The following NRXN3 variants were observed in gnomAD, a reference collection of about 807,000 sequenced individuals.
NRXN3 encodes neurexin 3.
A neutral mutation model predicts 137.6 loss-of-function variants in NRXN3; 32 were observed. That is an observed-to-expected ratio of 0.23 (90% confidence interval 0.18 to 0.31). NRXN3 has a LOEUF of 0.31. NRXN3 is among the 10% of genes least tolerant of loss of function. NRXN3 has a pLI of 1.00. For missense variants in NRXN3, 1,574 were observed against 2,062.5 expected (o/e 0.76, Z 4.59); for synonymous variants, 798 against 784.5 (o/e 1.02, Z -0.29).
At chr14:79,651,069 CT>C (rs1191988432) in intron 16 of NRXN3, among the ~76,000 whole-genome samples, 3 of 152,164 alleles carry the variant, frequency 2.0e-5, no homozygotes, top group Non-Finnish European at 4.4e-5. Context: ...GTTCAATTAA[CT>C]GGTAATAGGA....
At chr14:78,450,772 A>G (rs1338370156) in intron 4 of NRXN3, among the ~76,000 whole-genome samples, 1 of 152,158 alleles carries the variant, frequency 6.6e-6, no homozygotes, top group Non-Finnish European at 1.5e-5. Flanking sequence ...GATTTTCTCC[A>G]AAATGATCTA....
In NRXN3 at chr14:78,666,745, T is replaced by C. The variant is rs1428349184; in HGVS notation, c.1221+15419T>C. On this transcript the variant is annotated intron_variant, in intron 6 of 20. Coordinates refer to ENST00000335750, the MANE Select transcript of NRXN3 (RefSeq NM_001330195.2). ...TAGTACTTCGCCTATCATGGTGTCA[T>C]GATGAGTCTTTCCACCTCTGTTCTC... Among the ~76,000 whole-genome samples, 4 of 152,202 alleles carry C rather than the reference T, an allele frequency of 2.6e-5. 1 individual carries two copies. The highest frequency in any genetic ancestry group is 9.6e-5 in the African/African-American group (4 of 41,454).
chr14:78,229,924 A>G (rs545075661), intron 1 of NRXN3, among the ~76,000 whole-genome samples: 45 of 152,298 alleles, frequency 3.0e-4, no homozygotes, highest in Admixed American at 5.2e-4. Flanking sequence ...AGATGGGCTC[A>G]CTGGGTCACT....
intron 4 of NRXN3, among the ~76,000 whole-genome samples, chr14:78,305,838 G>A (rs886756093): frequency 6.6e-6 from 1 of 151,958 alleles, no homozygotes; most frequent in African/African-American, 2.4e-5. Context: ...ATATAAAATC[G>A]CTTTGTTTTT....
chr14:79,574,532 T>C, intron 16 of NRXN3, among the ~76,000 whole-genome samples: 1 of 152,168 alleles, frequency 6.6e-6, no homozygotes, highest in East Asian at 1.9e-4. Context: ...CATTATTGTA[T>C]CATTATTATT....
intron 19 of NRXN3, among the ~76,000 whole-genome samples, chr14:79,708,488 G>A (rs1197955291): frequency 1.5e-5 from 2 of 135,500 alleles, no homozygotes; most frequent in Admixed American, 7.3e-5. Flanking sequence ...TTTAAACTGA[G>A]GTAAGAATTG....
chr14:79,573,039 T>C (rs1372686013), intron 16 of NRXN3: 1 of 152,168 alleles, frequency 6.6e-6, no homozygotes, highest in South Asian at 2.1e-4. Context: ...AGTTGCTTTG[T>C]TGTGTTTTTC....
At chr14:78,419,509 T>G (rs1053829519) in intron 4 of NRXN3, among the ~76,000 whole-genome samples, 2 of 152,166 alleles carry the variant, frequency 1.3e-5, no homozygotes, top group Non-Finnish European at 2.9e-5. Context: ...CTGGCCATAG[T>G]CCAACTTTTA....
intron 3 of NRXN3, among the ~76,000 whole-genome samples, chr14:78,292,925 C>T (rs991567147): frequency 6.6e-6 from 1 of 152,254 alleles, no homozygotes; most frequent in African/African-American, 2.4e-5. Flanking sequence ...TGCATTTTGA[C>T]CCCGTTTCTG....
chr14:78,856,568 G>A (rs779704195), intron 10 of NRXN3, among the ~76,000 whole-genome samples: 1 of 151,820 alleles, frequency 6.6e-6, no homozygotes, highest in African/African-American at 2.4e-5. Flanking sequence ...CTTCTTATAC[G>A]TTTTTCCAGA....
chr14:79,062,707 T>G (rs1595523121), intron 15 of NRXN3, among the ~76,000 whole-genome samples: 1 of 152,208 alleles, frequency 6.6e-6, no homozygotes, highest in African/African-American at 2.4e-5. Flanking sequence ...ATACTTCTCC[T>G]ACCAAGAGAG....
intron 10 of NRXN3, among the ~76,000 whole-genome samples, chr14:78,954,965 A>G (rs2099394177): frequency 6.6e-6 from 1 of 152,078 alleles, no homozygotes; most frequent in African/African-American, 2.4e-5. Flanking sequence ...CTCTATAGGT[A>G]CTGTCATACC....
At chr14:78,708,591 A>G (rs1175961611) in intron 6 of NRXN3, 1 of 152,248 alleles carries the variant, frequency 6.6e-6, no homozygotes, top group Admixed American at 6.5e-5. Context: ...AATCCCGCAA[A>G]TATACTCCCC....
chr14:78,614,817 A>G, intron 4 of NRXN3: 1 of 361,834 alleles, frequency 2.8e-6, no homozygotes, highest in South Asian at 2.1e-5. Context: ...AAATTAGGTA[A>G]TGAAACAACT....
intron 15 of NRXN3, among the ~76,000 whole-genome samples, chr14:78,996,046 G>T (rs1026651822): frequency 6.6e-6 from 1 of 152,002 alleles, no homozygotes; most frequent in Non-Finnish European, 1.5e-5. Context: ...AATGTTTCTC[G>T]GGTGGGCCTG....
chr14:78,905,580 C>A (rs1410524755), intron 10 of NRXN3, among the ~76,000 whole-genome samples: 1 of 151,704 alleles, frequency 6.6e-6, no homozygotes, highest in Non-Finnish European at 1.5e-5. Flanking sequence ...TAATATTTTA[C>A]CAATTTGCAA....
intron 15 of NRXN3, among the ~76,000 whole-genome samples, chr14:79,104,881 A>G (rs2052086000): frequency 6.6e-6 from 1 of 151,922 alleles, no homozygotes; most frequent in Non-Finnish European, 1.5e-5. Flanking sequence ...AACATTTCAA[A>G]GAAGCTGTGT....
intron 4 of NRXN3, among the ~76,000 whole-genome samples, chr14:78,427,033 T>C (rs1310361793): frequency 1.3e-5 from 2 of 151,988 alleles, no homozygotes; most frequent in East Asian, 3.9e-4. Flanking sequence ...AAAAATGTTT[T>C]TAAAAGCCCC....
intron 15 of NRXN3, among the ~76,000 whole-genome samples, chr14:79,139,908 C>CATATATAT (rs34927047): frequency 4.9e-4 from 71 of 143,758 alleles, no homozygotes; most frequent in African/African-American, 1.4e-3. Flanking sequence ...ATGGCATATG[C>CATATATAT]ATATATATAT....
Sources: allele counts gnomAD v4.1 joint callset (sites outside exome capture counted in the v4.1 genomes callset), GRCh38; gene constraint gnomAD v4.1.1; transcripts MANE v1.5; gene names NCBI Gene and HGNC (gene_info 2026-07-23, HGNC 2026-07-21).